SLC2A7: variants seen among roughly 807,000 people sequenced by gnomAD.
SLC2A7 encodes the protein solute carrier family 2 member 7.
In SLC2A7, 50 loss-of-function variants were observed where a neutral mutation model predicts 50.5. The observed-to-expected ratio is 0.99, with a 90% confidence interval of 0.79 to 1.25. The LOEUF is 1.25. Among genes scored for constraint, SLC2A7 ranks in the 50% most tolerant of loss-of-function variants. SLC2A7 has a pLI of 0.00. For synonymous variants in SLC2A7, 308 were observed against 300.4 expected (o/e 1.03, Z -0.26); for missense variants, 683 against 679.1 (o/e 1.01, Z -0.06).
Position 9,018,382 on chromosome 1 carries a change from T to C in SLC2A7, c.437-7A>G. 6.2e-7 allele frequency: 1 copy of C among 1,613,520 alleles called. No homozygotes were observed. The highest frequency in any genetic ancestry group is 8.5e-7 in the Non-Finnish European group (1 of 1,179,968). On this transcript the variant is annotated splice_region_variant and splice_polypyrimidine_tract_variant and intron_variant, in intron 4 of 11. Coordinates refer to ENST00000400906, the MANE Select transcript of SLC2A7 (RefSeq NM_207420.3). ...AGGGCGCTGTAGGAGATGCCTGGTT[T>C]GGGCACAGCAGAAATCAGGGCAGGC...
intron 4 of SLC2A7, among the ~76,000 whole-genome samples, chr1:9,018,929 C>A (rs1461331377): frequency 6.6e-6 from 1 of 152,106 alleles, no homozygotes; most frequent in African/African-American, 2.4e-5. Flanking sequence ...TACCTGTAAT[C>A]CCAGGACTTT....
intron 3 of SLC2A7, 135 bp from the exon 4 acceptor site, chr1:9,019,468 C>T (rs945553568): frequency 2.6e-5 from 34 of 1,294,550 alleles, no homozygotes; most frequent in Admixed American, 5.1e-5. Context: ...AGCAGGGGGC[C>T]GTGGACTGAA....
At chr1:9,004,962 C>G in intron 10 of SLC2A7, 83 bp from the exon 11 acceptor site, 1 of 1,479,670 alleles carries the variant, frequency 6.8e-7, no homozygotes, top group Middle Eastern at 2.4e-4. Context: ...ACTCTAGCCT[C>G]TGACCTAGGA....
chr1:9,018,155 C>T (rs551628614), intron 5 of SLC2A7, 68 bp downstream of exon 5: 36 of 1,597,146 alleles, frequency 2.3e-5, no homozygotes, highest in East Asian at 2.2e-5. Flanking sequence ...TGACTCGATC[C>T]GTCAGTAACA....
downstream of SLC2A7, among the ~76,000 whole-genome samples, chr1:9,002,162 G>C (rs1256331928): frequency 1.3e-5 from 2 of 152,152 alleles, no homozygotes; most frequent in Non-Finnish European, 2.9e-5. Flanking sequence ...ATTGTCTAAG[G>C]CTTCCCCCCA....
chr1:9,017,189 G>A (rs778934018), intron 5 of SLC2A7, among the ~76,000 whole-genome samples: 1 of 152,146 alleles, frequency 6.6e-6, no homozygotes, highest in African/African-American at 2.4e-5. Flanking sequence ...GCGTGGTGGC[G>A]CTCGCTTGTA....
At chr1:9,023,378 C>T (rs1390671261) in intron 2 of SLC2A7, among the ~76,000 whole-genome samples, 1 of 152,122 alleles carries the variant, frequency 6.6e-6, no homozygotes, top group African/African-American at 2.4e-5. Flanking sequence ...GAGGTTGAGG[C>T]GGGCAGATCA....
intron 11 of SLC2A7, 123 bp downstream of exon 11, chr1:9,004,629 C>T (rs1451426263): frequency 1.6e-6 from 2 of 1,264,848 alleles, no homozygotes; most frequent in African/African-American, 3.0e-5. Context: ...TCTGTGGACC[C>T]TTGGATGTGT....
chr1:9,025,910 C>T (rs1363299860), intron 1 of SLC2A7, among the ~76,000 whole-genome samples: 1 of 152,206 alleles, frequency 6.6e-6, no homozygotes, highest in East Asian at 1.9e-4. Context: ...TCACACTTAG[C>T]TGCCTGGCTG....
At chr1:9,014,959 G>C (rs912269711) in intron 6 of SLC2A7, 91 bp from the exon 7 acceptor site, 22 of 1,504,890 alleles carry the variant, frequency 1.5e-5, no homozygotes, top group Non-Finnish European at 1.7e-5. Flanking sequence ...ACCATTCCCT[G>C]ACCTGACCTT....
At chr1:9,012,300 G>A (rs1272266814) in intron 8 of SLC2A7, among the ~76,000 whole-genome samples, 1 of 152,156 alleles carries the variant, frequency 6.6e-6, no homozygotes, top group Non-Finnish European at 1.5e-5. Context: ...TATTTTTCTG[G>A]CTTGGGTTGC....
At chr1:9,013,355 T>A (rs1640778145) in intron 8 of SLC2A7, among the ~76,000 whole-genome samples, 170 bp downstream of exon 8, 1 of 152,208 alleles carries the variant, frequency 6.6e-6, no homozygotes, top group Non-Finnish European at 1.5e-5. Flanking sequence ...TTGAGTTTTC[T>A]GGTCAAAGTC....
chr1:9,024,314 G>A (rs1489703447), intron 2 of SLC2A7, among the ~76,000 whole-genome samples: 1 of 152,162 alleles, frequency 6.6e-6, no homozygotes, highest in Non-Finnish European at 1.5e-5. Flanking sequence ...TGCTTGACTC[G>A]GAGGTTCCAT....
downstream of SLC2A7, among the ~76,000 whole-genome samples, chr1:8,999,219 C>A (rs1302196383): frequency 6.6e-6 from 1 of 152,070 alleles, no homozygotes; most frequent in South Asian, 2.1e-4. Context: ...ACCATGTTAG[C>A]CAGGCTGGTC....
At chr1:9,004,464 C>G (rs1640622743) in intron 11 of SLC2A7, among the ~76,000 whole-genome samples, 1 of 152,046 alleles carries the variant, frequency 6.6e-6, no homozygotes, top group Non-Finnish European at 1.5e-5. Flanking sequence ...GGTGGGGGAT[C>G]TGCACCCTGG....
At chr1:9,000,746 GT>G (rs35953916), downstream of SLC2A7, among the ~76,000 whole-genome samples, 7 of 18,912 alleles carry the variant, frequency 3.7e-4, no homozygotes, top group African/African-American at 2.8e-3. Flanking sequence ...GACTTTCCTG[GT>G]GTGTGTGTGT....
At chr1:8,999,417 C>T (rs1040152371), downstream of SLC2A7, among the ~76,000 whole-genome samples, 1 of 152,222 alleles carries the variant, frequency 6.6e-6, no homozygotes, top group Non-Finnish European at 1.5e-5. Context: ...CCCTTACTAT[C>T]CTGTCCCCTG....
chr1:8,993,498 G>T, the SLC2A7 span, among the ~76,000 whole-genome samples: 1 of 152,334 alleles, frequency 6.6e-6, no homozygotes, highest in Non-Finnish European at 1.5e-5. Context: ...ACCTCCTGGT[G>T]TCTGACAGAA....
chr1:9,003,638 A>G lies in SLC2A7; in HGVS notation c.1321-120T>C, dbSNP rs183511775. Reference sequence around the variant, plus strand: ...TTTGGGAGGCCAAGACAGGTGGATCACCTGAGGTCAGGAGTTTGAGACCAA... The same window carrying G: ...TTTGGGAGGCCAAGACAGGTGGATCGCCTGAGGTCAGGAGTTTGAGACCAA... On this transcript the variant is annotated intron_variant, in intron 11 of 11. Coordinates refer to ENST00000400906, the MANE Select transcript of SLC2A7 (RefSeq NM_207420.3). 6.7e-4 allele frequency: 534 copies of G among 801,904 alleles called. 3 individuals carry two copies. The African/African-American group carries it at 8.1e-3, about 12-fold the overall frequency. 49.7% of individuals were successfully genotyped at this position (801,904 alleles called of 1,614,324 possible).
Sources: gnomAD v4.1 joint callset for allele counts (sites outside exome capture counted in the v4.1 genomes callset) on GRCh38, gnomAD v4.1.1 for gene constraint, MANE v1.5 for transcripts, NCBI Gene and HGNC (gene_info 2026-07-23, HGNC 2026-07-21) for gene names.